The following PRPS1 variants were observed in gnomAD, a reference collection of about 807,000 sequenced individuals.
PRPS1 encodes the protein phosphoribosyl pyrophosphate synthetase 1.
In PRPS1, 1 loss-of-function variant was observed where a neutral mutation model predicts 16.9. That is an observed-to-expected ratio of 0.06 (90% CI 0.02 to 0.28). The LOEUF is 0.28. Among genes scored for constraint, PRPS1 ranks in the 10% least tolerant of loss-of-function variants. The probability of loss-of-function intolerance (pLI) is 1.00; values close to 1 mark genes in which losing one functional copy is unlikely to be tolerated. For synonymous variants in PRPS1, 70 were observed against 90.2 expected (o/e 0.78, Z 1.27); for missense variants, 47 against 254.0 (o/e 0.19, Z 5.54).
rs372725144 is a variant in PRPS1, at chrX:107,634,948, C to T, written c.123-4347C>T. On this transcript the variant is annotated intron_variant, in intron 1 of 6. Coordinates refer to ENST00000372435, the MANE Select transcript of PRPS1 (RefSeq NM_002764.4). Reference sequence around the variant, plus strand: ...TCTGCCTCCCAGGTTCACGCCATTCCCCTGCCTCAGCCTCCCGAGTAGCTG... The same window carrying T: ...TCTGCCTCCCAGGTTCACGCCATTCTCCTGCCTCAGCCTCCCGAGTAGCTG... Among the ~76,000 whole-genome samples the T allele has an allele frequency of 5.5e-5, 6 of 108,897 alleles. No individual in the cohort carries two copies. In the East Asian group the frequency reaches 1.5e-3, roughly 26 times the overall value. The allele number at this position is 108,897 out of a possible 115,157, so 94.6% of individuals were successfully genotyped here. A position where few individuals can be genotyped will look rare whatever the true frequency, so the allele number is the denominator to read the frequency against.
Position 107,649,810 on chromosome X carries a change from A to G in PRPS1, c.865-130A>G. On this transcript the variant is annotated intron_variant, in intron 6 of 6. Coordinates refer to ENST00000372435, the MANE Select transcript of PRPS1 (RefSeq NM_002764.4). ...AAGAATAGCTGAGTGCAGCCTCATG[A>G]CAGGGAAACAGCACAGTGTTGCAGT... The G allele has an allele frequency of 3.6e-6, 4 of 1,115,637 alleles. 1 individual carries two copies. Among genetic ancestry groups the G allele is most frequent in the South Asian group, 3.8e-5 (2 of 53,223 alleles). The allele number at this position is 1,115,637 out of a possible 1,213,427, so 91.9% of individuals were successfully genotyped here.
intron 3 of PRPS1, 151 bp downstream of exon 3, chrX:107,641,151 C>T (rs771409227): frequency 2.2e-4 from 260 of 1,164,290 alleles, no homozygotes; most frequent in Non-Finnish European, 2.8e-4. Flanking sequence ...CTTAAGCATA[C>T]TTCATGATCT....
chrX:107,637,713 G>A lies in PRPS1; in HGVS notation c.123-1582G>A, dbSNP rs748024617. On this transcript the variant is annotated intron_variant, in intron 1 of 6. Coordinates refer to ENST00000372435, the MANE Select transcript of PRPS1 (RefSeq NM_002764.4). ...TTTGTATAGTGCACTGGAGTAAACTGAGGCAGTGAACTGCTTCTGGTATAA... is the reference window on the plus strand; with the variant it reads ...TTTGTATAGTGCACTGGAGTAAACTAAGGCAGTGAACTGCTTCTGGTATAA... Among the ~76,000 whole-genome samples, 11 of 109,518 alleles carry A rather than the reference G, an allele frequency of 1.0e-4. No homozygotes were observed. The South Asian group carries it at 4.4e-3, about 43-fold the overall frequency.
At position 107,628,537 on chromosome X, in the gene PRPS1, A is replaced by C; in HGVS notation, c.-92A>C. The C allele has an allele frequency of 3.8e-5, 43 of 1,141,660 alleles. No homozygotes were observed. Among genetic ancestry groups the C allele is most frequent in the Non-Finnish European group, 4.1e-5 (34 of 838,269 alleles). 94.1% of individuals were successfully genotyped at this position (1,141,660 alleles called of 1,213,427 possible). ...TGTAAGATGGCGGAGTAGCAACGCA[A>C]AGCGCTTGGTATTGAGTCTGTGGCC... On this transcript the variant is annotated 5_prime_UTR_variant, in exon 1 of 7. Transcript: ENST00000372435.
chrX:107,638,361 G>A (rs1925490163), intron 1 of PRPS1, among the ~76,000 whole-genome samples: 1 of 110,411 alleles, frequency 9.1e-6, no homozygotes, highest in African/African-American at 3.3e-5. Context: ...CACCCATCTT[G>A]GCCTCCTAAA....
At chrX:107,630,963 CA>C (rs1478238526) in intron 1 of PRPS1, among the ~76,000 whole-genome samples, 1 of 111,422 alleles carries the variant, frequency 9.0e-6, no homozygotes, top group Non-Finnish European at 1.9e-5. Flanking sequence ...TAAATGTTGA[CA>C]AGAAGGGGTG....
At chrX:107,647,070 T>C (rs929885354) in intron 5 of PRPS1, among the ~76,000 whole-genome samples, 2 of 112,771 alleles carry the variant, frequency 1.8e-5, no homozygotes, top group East Asian at 5.5e-4. Flanking sequence ...CCTCCCCAAA[T>C]TCATATATGT....
chrX:107,633,646 G>T (rs1224228876), intron 1 of PRPS1, among the ~76,000 whole-genome samples: 1 of 111,171 alleles, frequency 9.0e-6, no homozygotes, highest in Non-Finnish European at 1.9e-5. Context: ...AATCACCTTG[G>T]CTGGGTGCGG....
Position 107,647,467 on chromosome X carries a change from TTATAA to T in PRPS1, c.705-135_705-131del, listed in dbSNP as rs201222348. 10,162 of 717,701 alleles carry T rather than the reference TTATAA, an allele frequency of 0.014. 669 individuals are homozygous for T. The African/African-American group carries it at 0.2, about 14-fold the overall frequency. 59.1% of individuals were successfully genotyped at this position (717,701 alleles called of 1,213,427 possible). ...AATTTTTCCCCTAACCCACTGTGCC[TTATAA>T]TATTTTTTATTTTTTTATTTTTTTT... On this transcript the variant is annotated intron_variant, in intron 5 of 6. Transcript: ENST00000372435.
chrX:107,629,249 T>C (rs1000145530), intron 1 of PRPS1, among the ~76,000 whole-genome samples: 1 of 111,804 alleles, frequency 8.9e-6, no homozygotes, highest in Admixed American at 9.6e-5. Flanking sequence ...TTCGGCTTGG[T>C]GTTGAGGGAA....
chrX:107,636,567 T>C (rs769699724), intron 1 of PRPS1: 2 of 111,927 alleles, frequency 1.8e-5, no homozygotes, highest in African/African-American at 3.3e-5. Flanking sequence ...CTAACCCCAT[T>C]TGTCTTTTCT....
chrX:107,633,476 A>AT (rs1253408728), intron 1 of PRPS1, among the ~76,000 whole-genome samples: 6 of 109,095 alleles, frequency 5.5e-5, no homozygotes, highest in Non-Finnish European at 1.1e-4. Context: ...CTGTTGATTG[A>AT]TTATTAAGTG....
At chrX:107,637,125 C>A (rs757544212) in intron 1 of PRPS1, among the ~76,000 whole-genome samples, 1 of 107,735 alleles carries the variant, frequency 9.3e-6, no homozygotes, top group East Asian at 2.9e-4. Flanking sequence ...AAATTATTTT[C>A]TTTTTTTTTT....
intron 1 of PRPS1, among the ~76,000 whole-genome samples, chrX:107,637,947 TA>T (rs200547919): frequency 1.7e-4 from 18 of 104,078 alleles, no homozygotes; most frequent in African/African-American, 4.2e-4. Context: ...TATATATATA[TA>T]TATTTTTTTG....
At chrX:107,632,940 TATC>T (rs1399458067) in intron 1 of PRPS1, among the ~76,000 whole-genome samples, 4 of 112,119 alleles carry the variant, frequency 3.6e-5, no homozygotes, top group African/African-American at 1.3e-4. Context: ...AACAAGGCAG[TATC>T]ACCTAGTTTA....
intron 1 of PRPS1, among the ~76,000 whole-genome samples, chrX:107,634,842 T>A (rs1247554892): frequency 9.3e-6 from 1 of 107,061 alleles, no homozygotes; most frequent in Non-Finnish European, 1.9e-5. Flanking sequence ...TTTGTTTTTT[T>A]TTTTTTTGAG....
intron 1 of PRPS1, chrX:107,629,928 AT>A (rs1394041545): frequency 8.9e-6 from 1 of 112,498 alleles, no homozygotes; most frequent in Non-Finnish European, 1.9e-5. Context: ...AGATAAGAAT[AT>A]TTCGAATATT....
intron 1 of PRPS1, among the ~76,000 whole-genome samples, chrX:107,629,424 C>T (rs1164352317): frequency 8.9e-6 from 1 of 111,853 alleles, no homozygotes; most frequent in Non-Finnish European, 1.9e-5. Context: ...TAGCCAGCAT[C>T]TCAGCTTGAG....
rs1925790204 is a variant in PRPS1, at chrX:107,649,848, G to A, written c.865-92G>A. 4.2e-6 allele frequency: 5 copies of A among 1,202,352 alleles called. No homozygotes were observed. In the Admixed American group the frequency reaches 1.1e-4, roughly 26 times the overall value. On this transcript the variant is annotated intron_variant, in intron 6 of 6. Transcript: ENST00000372435. ...ACAGTGTTGCAGTTTTAAGAGGAAG[G>A]GCACTTGCCTGGCTGCTCATCAGTG...
Sources: allele counts gnomAD v4.1 joint callset (sites outside exome capture counted in the v4.1 genomes callset), GRCh38; gene constraint gnomAD v4.1.1; transcripts MANE v1.5; gene names NCBI Gene and HGNC (gene_info 2026-07-23, HGNC 2026-07-21).